Variants in SP100 observed in about 807,000 individuals in gnomAD.
SP100 encodes the protein nuclear autoantigen Sp-100.
In SP100, 84 loss-of-function variants were observed where a neutral mutation model predicts 130.0. The observed-to-expected ratio is 0.65, with a 90% CI of 0.54 to 0.77. The LOEUF is 0.77. SP100 is among the 30% of genes least tolerant of loss of function. The pLI, the probability that SP100 is intolerant of heterozygous loss-of-function variation, is 0.00. For missense variants in SP100, 978 were observed against 1,052.2 expected, an observed-to-expected ratio of 0.93 and a Z score of 0.97; for synonymous variants, 331 against 351.7, an observed-to-expected ratio of 0.94 and a Z score of 0.66.
intron 24 of SP100, among the ~76,000 whole-genome samples, chr2:230,522,346 T>C (rs1417025774): frequency 1.3e-5 from 2 of 152,142 alleles, no homozygotes; most frequent in African/African-American, 4.8e-5. Flanking sequence ...CTTTGGAATC[T>C]GGAGTTTGTT....
intron 6 of SP100, 149 bp from the exon 7 acceptor site, chr2:230,449,412 C>T (rs749687940): frequency 2.2e-5 from 20 of 899,774 alleles, no homozygotes; most frequent in Non-Finnish European, 2.0e-5. Flanking sequence ...GTGCCTGCTT[C>T]ACCATTTTCT....
intron 2 of SP100, 151 bp downstream of exon 2, chr2:230,417,816 G>C: frequency 9.9e-6 from 12 of 1,206,838 alleles, no homozygotes; most frequent in Non-Finnish European, 1.3e-5. Flanking sequence ...TGAGGTGTTT[G>C]TCCTTTTTTT....
At chr2:230,428,483 C>G (rs2063003877) in intron 2 of SP100, among the ~76,000 whole-genome samples, 1 of 150,988 alleles carries the variant, frequency 6.6e-6, no homozygotes, top group African/African-American at 2.4e-5. Context: ...CGCTCTGTCG[C>G]CCAGGCTGGA....
At chr2:230,486,251 G>A (rs774109413) in intron 17 of SP100, among the ~76,000 whole-genome samples, 3 of 152,088 alleles carry the variant, frequency 2.0e-5, no homozygotes, top group African/African-American at 4.8e-5. Flanking sequence ...TGTGCAGAAT[G>A]TGCAGGTTTG....
rs545772281 is a variant in SP100, at chr2:230,511,275, G to A, written c.2094+109G>A. The A allele has an allele frequency of 1.1e-5, 9 of 818,840 alleles. No individual in the cohort carries two copies. The African/African-American group carries it at 1.2e-4, about 11-fold the overall frequency. 50.7% of individuals were successfully genotyped at this position (818,840 alleles called of 1,614,324 possible). ...GCATGCTCAGTCTCAGTTGGAGTATGTTGCTGTGTGTGATTAGAAGATGCA... is the reference window on the plus strand; with the variant it reads ...GCATGCTCAGTCTCAGTTGGAGTATATTGCTGTGTGTGATTAGAAGATGCA... On this transcript the variant is annotated intron_variant, in intron 24 of 28. Coordinates refer to ENST00000340126, the MANE Select transcript of SP100 (RefSeq NM_001080391.2).
chr2:230,504,350 T>A (rs1377369293), intron 21 of SP100, 60 bp downstream of exon 21: 2 of 967,472 alleles, frequency 2.1e-6, no homozygotes, highest in Non-Finnish European at 3.2e-6. Flanking sequence ...GATAGCATAC[T>A]GTTTAGGAGT....
At chr2:230,450,707 ATAAG>A (rs1321665337) in intron 8 of SP100, among the ~76,000 whole-genome samples, 1 of 152,278 alleles carries the variant, frequency 6.6e-6, no homozygotes, top group Non-Finnish European at 1.5e-5. Flanking sequence ...CACTCTACAT[ATAAG>A]TGAGATGTCA....
At chr2:230,470,860 A>G (rs1005454194) in intron 15 of SP100, among the ~76,000 whole-genome samples, 2 of 152,216 alleles carry the variant, frequency 1.3e-5, no homozygotes, top group African/African-American at 2.4e-5. Flanking sequence ...AGACTATACC[A>G]GTGCCTGATG....
At chr2:230,446,785 T>C (rs1489563736) in intron 4 of SP100, 34 bp from the exon 5 acceptor site, 1 of 1,335,098 alleles carries the variant, frequency 7.5e-7, no homozygotes, top group South Asian at 1.2e-5. Context: ...TCCCTGTAGA[T>C]CTCTAATTGC....
chr2:230,457,640 A>G (rs2064352244), intron 8 of SP100, among the ~76,000 whole-genome samples: 1 of 152,172 alleles, frequency 6.6e-6, no homozygotes, highest in Non-Finnish European at 1.5e-5. Flanking sequence ...GGAAGATGAC[A>G]CAGTGAAACT....
At chr2:230,517,879 G>A (rs1234245396) in intron 24 of SP100, among the ~76,000 whole-genome samples, 2 of 151,942 alleles carry the variant, frequency 1.3e-5, no homozygotes, top group Non-Finnish European at 2.9e-5. Flanking sequence ...TAACATAGGG[G>A]ACCAAATTTT....
intron 8 of SP100, among the ~76,000 whole-genome samples, chr2:230,453,460 G>A (rs1209077792): frequency 6.6e-6 from 1 of 152,086 alleles, no homozygotes; most frequent in East Asian, 1.9e-4. Context: ...TGTCATGTAT[G>A]GCCACTATTG....
chr2:230,436,999 TACAC>T (rs1036403193), intron 2 of SP100, among the ~76,000 whole-genome samples: 3 of 135,580 alleles, frequency 2.2e-5, no homozygotes, highest in African/African-American at 8.0e-5. Flanking sequence ...TATATGTGTA[TACAC>T]ACACACACAT....
intron 25 of SP100, 98 bp downstream of exon 25, chr2:230,539,480 T>A (rs1349794376): frequency 1.5e-5 from 12 of 783,464 alleles, no homozygotes; most frequent in Non-Finnish European, 2.6e-5. Context: ...TACCTGGTTA[T>A]GTGTTTCTTG....
At chr2:230,452,433 T>G (rs1302632592) in intron 8 of SP100, among the ~76,000 whole-genome samples, 1 of 152,140 alleles carries the variant, frequency 6.6e-6, no homozygotes, top group Non-Finnish European at 1.5e-5. Flanking sequence ...CACCTCAAAC[T>G]CCTAGATGCT....
intron 27 of SP100, 29 bp downstream of exon 27, chr2:230,541,401 T>C (rs746124846): frequency 7.6e-6 from 12 of 1,571,266 alleles, no homozygotes; most frequent in Middle Eastern, 1.7e-4. Flanking sequence ...AAAATGCTTA[T>C]ACTGGCATTT....
intron 24 of SP100, among the ~76,000 whole-genome samples, chr2:230,513,506 T>C (rs1440236802): frequency 8.0e-6 from 1 of 124,226 alleles, no homozygotes; most frequent in African/African-American, 2.6e-5. Flanking sequence ...ATTATCACAT[T>C]CCCTTTTTGA....
Position 230,444,305 on chromosome 2 carries a change from A to C in SP100, c.398A>C (p.Glu133Ala), listed in dbSNP as rs147655592. Residue 133 changes from glutamate to alanine, a missense_variant, in exon 4 of 29, where the codon GAA (glutamate) becomes GCA (alanine). By Grantham distance (107) the Glu-to-Ala change is moderately radical. Transcript: ENST00000340126. Reference protein sequence around the residue: ...EALFSDVNMQEYPDLIHIYKG... With the variant: ...EALFSDVNMQAYPDLIHIYKG... ...CTGTTCAGCGATGTCAACATGCAGG[A>C]ATACCCCGATTTAATTCACATTTAT... 3.1e-6 allele frequency: 5 copies of C among 1,613,432 alleles called. No homozygotes were observed. In the African/African-American group the frequency reaches 6.7e-5, roughly 22 times the overall value.
chr2:230,442,877 G>A, intron 2 of SP100, 60 bp from the exon 3 acceptor site: 1 of 1,434,904 alleles, frequency 7.0e-7, no homozygotes, highest in Non-Finnish European at 9.7e-7. Context: ...AACTCTTACA[G>A]CCTCCACAAA....
Sources: gnomAD v4.1 joint callset for allele counts (sites outside exome capture counted in the v4.1 genomes callset) on GRCh38, gnomAD v4.1.1 for gene constraint, MANE v1.5 for transcripts, NCBI Gene and HGNC (gene_info 2026-07-23, HGNC 2026-07-21) for gene names.